EDA: variants seen among roughly 807,000 people sequenced by gnomAD.
The protein encoded by EDA is ectodysplasin A, also known as ectodysplasin-A.
EDA carries 2 observed loss-of-function variants against 23.6 expected under a neutral mutation model. The ratio of observed to expected loss-of-function variants is 0.08; its 90% CI spans 0.03 to 0.27. The LOEUF (loss-of-function observed/expected upper bound fraction) is 0.27, where lower values mean the gene tolerates loss of function less well. EDA is among the 10% of genes least tolerant of loss of function. The probability of loss-of-function intolerance (pLI) is 1.00; values close to 1 mark genes in which losing one functional copy is unlikely to be tolerated. For synonymous variants in EDA, 131 were observed against 132.0 expected (o/e 0.99, Z 0.05); for missense variants, 229 against 324.2 (o/e 0.71, Z 2.26).
chrX:69,786,818 A>G (rs1254960790), intron 1 of EDA, among the ~76,000 whole-genome samples: 1 of 111,198 alleles, frequency 9.0e-6, no homozygotes, highest in East Asian at 2.8e-4. Flanking sequence ...CGCTTGGTGC[A>G]GAGCTGAGTT....
chrX:69,616,639 C>T lies in EDA; in HGVS notation c.331C>T (p.Pro111Ser), dbSNP rs1283165784. Residue 111 changes from proline to serine, a missense_variant, in exon 1 of 8, where the codon CCT becomes TCT. Pro to Ser is a moderately conservative substitution (Grantham distance 74). Transcript: ENST00000374552. ...CACCAGTCACCTTGGGCAGCCGTCA[C>T]CTAAGCAGCAGCCATTGGAACCGGG... is the stretch of plus-strand genomic sequence containing the variant. ...PITSHLGQPS[P>S]KQQPLEPGEA... The T allele has an allele frequency of 8.3e-7, 1 of 1,209,768 alleles. No homozygotes were observed. Among genetic ancestry groups the T allele is most frequent in the Non-Finnish European group, 1.1e-6 (1 of 894,988 alleles).
chrX:69,774,266 G>A (rs1347910623), intron 1 of EDA, among the ~76,000 whole-genome samples: 1 of 112,081 alleles, frequency 8.9e-6, no homozygotes, highest in Non-Finnish European at 1.9e-5. Context: ...GAATACTCAA[G>A]TGGGAACATT....
chrX:69,726,458 A>C (rs1447983311), intron 1 of EDA, among the ~76,000 whole-genome samples: 4 of 112,316 alleles, frequency 3.6e-5, no homozygotes, highest in Admixed American at 9.4e-5. Context: ...GATTAATGTG[A>C]TCTGTCCTTC....
rs1472578334 is a variant in EDA at position 69,753,867 on chromosome X, GTCT to G, written c.396+137164_396+137166del. ...CTTTTTTCATCTTTGTTGGTTTAAA[GTCT>G]GTTTTATCAGAGACTAGGATTGCAA... On this transcript the variant is annotated intron_variant, in intron 1 of 7. Coordinates refer to ENST00000374552, the MANE Select transcript of EDA (RefSeq NM_001399.5). 3.0e-3 allele frequency among the ~76,000 whole-genome samples: 313 copies of G among 104,492 alleles called. 1 individual carries two copies. Among genetic ancestry groups the G allele is most frequent in the African/African-American group, 0.011 (303 of 28,621 alleles). 90.7% of individuals were successfully genotyped at this position (104,492 alleles called of 115,157 possible).
At chrX:69,999,596 A>G (rs892698724) in intron 2 of EDA, among the ~76,000 whole-genome samples, 2 of 102,297 alleles carry the variant, frequency 2.0e-5, no homozygotes, top group African/African-American at 3.6e-5. Flanking sequence ...AGCCTGGGCT[A>G]CAAGAGTGAG....
chrX:69,754,150 C>T (rs895407231), intron 1 of EDA, among the ~76,000 whole-genome samples: 1 of 112,068 alleles, frequency 8.9e-6, no homozygotes, highest in African/African-American at 3.2e-5. Context: ...AGTTGATGCA[C>T]TTTCTTCCTA....
intron 1 of EDA, among the ~76,000 whole-genome samples, chrX:69,712,046 G>A (rs1203052230): frequency 1.8e-5 from 2 of 110,614 alleles, no homozygotes; most frequent in Admixed American, 1.9e-4. Flanking sequence ...GCTTTTGAAT[G>A]TGTTTGCTCT....
rs1030556762 is a variant in EDA at position 69,772,859 on chromosome X, A to G, written c.396+156155A>G. Among the ~76,000 whole-genome samples, 15 of 111,741 alleles carry G rather than the reference A, an allele frequency of 1.3e-4. No individual in the cohort carries two copies. The Admixed American group carries it at 1.4e-3, about 11-fold the overall frequency. On this transcript the variant is annotated intron_variant, in intron 1 of 7. Coordinates refer to ENST00000374552, the MANE Select transcript of EDA (RefSeq NM_001399.5). ...TATTATTCCATAGTGTATATTGACT[A>G]CGTTGTCTTTATCCGGTCCCATAGA...
At chrX:69,911,654 G>T (rs1487180195) in intron 1 of EDA, among the ~76,000 whole-genome samples, 7 of 111,995 alleles carry the variant, frequency 6.3e-5, no homozygotes, top group Non-Finnish European at 1.3e-4. Context: ...ATGAATTTGG[G>T]GGTTGCCCAG....
At chrX:69,776,345 G>A (rs935832160) in intron 1 of EDA, among the ~76,000 whole-genome samples, 1 of 111,318 alleles carries the variant, frequency 9.0e-6, no homozygotes, top group Non-Finnish European at 1.9e-5. Context: ...CAAAGGCAGG[G>A]CCAGGTGGAG....
intron 1 of EDA, among the ~76,000 whole-genome samples, chrX:69,856,310 C>T (rs2017252298): frequency 1.1e-5 from 1 of 90,649 alleles, no homozygotes. Context: ...GCAAATTCTG[C>T]TGCTATAAAC....
intron 1 of EDA, among the ~76,000 whole-genome samples, chrX:69,954,941 A>G (rs1319492670): frequency 9.0e-6 from 1 of 111,731 alleles, no homozygotes; most frequent in African/African-American, 3.2e-5. Flanking sequence ...CTGTTCCTGC[A>G]TTAGTTTGCT....
chrX:69,904,684 C>A (rs980056818), intron 1 of EDA, among the ~76,000 whole-genome samples: 6 of 112,093 alleles, frequency 5.4e-5, no homozygotes, highest in Non-Finnish European at 1.1e-4. Context: ...TCCCCACTAG[C>A]CTTCCCAGCC....
intron 1 of EDA, among the ~76,000 whole-genome samples, chrX:69,886,283 C>T (rs187939928): frequency 8.9e-6 from 1 of 111,976 alleles, no homozygotes; most frequent in East Asian, 2.8e-4. Flanking sequence ...GGAGAAATGA[C>T]CATCAGTGAC....
At chrX:69,841,023 C>T (rs1489904107) in intron 1 of EDA, among the ~76,000 whole-genome samples, 2 of 112,222 alleles carry the variant, frequency 1.8e-5, no homozygotes, top group African/African-American at 6.5e-5. Context: ...AGAGGGGACA[C>T]ATTCAAACCA....
rs766366886 is a variant in EDA, at chrX:69,915,932, T to C, written c.397-41095T>C. On this transcript the variant is annotated intron_variant, in intron 1 of 7. Coordinates refer to ENST00000374552, the MANE Select transcript of EDA (RefSeq NM_001399.5). ...TCTGCTGCAACCTTATGTGGCTTTCTTGTCGGTGCTCCTCTCTTGGCCTCA... is the reference window on the plus strand; with the variant it reads ...TCTGCTGCAACCTTATGTGGCTTTCCTGTCGGTGCTCCTCTCTTGGCCTCA... 8.0e-5 allele frequency among the ~76,000 whole-genome samples: 9 copies of C among 112,072 alleles called. No homozygotes were observed. In the South Asian group the frequency reaches 3.4e-3, roughly 42 times the overall value.
intron 1 of EDA, among the ~76,000 whole-genome samples, chrX:69,777,118 ATTGT>A (rs1221017367): frequency 1.9e-5 from 2 of 103,982 alleles, no homozygotes; most frequent in Non-Finnish European, 4.0e-5. Flanking sequence ...GCTTATGACA[ATTGT>A]TTGTTTCTGT....
intron 2 of EDA, among the ~76,000 whole-genome samples, chrX:69,967,759 T>C (rs753577917): frequency 8.9e-6 from 1 of 112,175 alleles, no homozygotes; most frequent in Non-Finnish European, 1.9e-5. Context: ...TTCCTTTGTA[T>C]TGGCCTCATT....
intron 1 of EDA, among the ~76,000 whole-genome samples, chrX:69,634,424 C>T (rs932605319): frequency 1.8e-5 from 2 of 110,936 alleles, no homozygotes; most frequent in Non-Finnish European, 3.8e-5. Context: ...GTGATCCTTC[C>T]GCATCAGCCC....
Sources: gnomAD v4.1 joint callset for allele counts (sites outside exome capture counted in the v4.1 genomes callset) on GRCh38, gnomAD v4.1.1 for gene constraint, MANE v1.5 for transcripts, NCBI Gene and HGNC (gene_info 2026-07-23, HGNC 2026-07-21) for gene names.